The following HS6ST2 variants were observed in gnomAD, a reference collection of about 807,000 sequenced individuals.
The protein encoded by HS6ST2 is heparan sulfate 6-O-sulfotransferase 2, also known as heparan-sulfate 6-O-sulfotransferase 2.
A neutral mutation model predicts 33.0 loss-of-function variants in HS6ST2; 17 were observed. That is an observed-to-expected ratio of 0.52 (90% confidence interval 0.35 to 0.77). The LOEUF (loss-of-function observed/expected upper bound fraction) is 0.77. HS6ST2 is among the 30% of genes least tolerant of loss of function. The pLI is 0.01. For synonymous variants in HS6ST2, 248 were observed against 237.1 expected, an observed-to-expected ratio of 1.05 and a Z score of -0.42; for missense variants, 519 against 551.7, an observed-to-expected ratio of 0.94 and a Z score of 0.59.
At chrX:132,773,763 G>A (rs2064929590) in intron 2 of HS6ST2, among the ~76,000 whole-genome samples, 1 of 111,794 alleles carries the variant, frequency 8.9e-6, no homozygotes, top group African/African-American at 3.2e-5. Context: ...TACATGAAAT[G>A]TTCAATATAG....
At chrX:132,748,734 C>T (rs1256285460) in intron 2 of HS6ST2, among the ~76,000 whole-genome samples, 1 of 111,514 alleles carries the variant, frequency 9.0e-6, no homozygotes, top group African/African-American at 3.3e-5. Flanking sequence ...GCCCAAGAAT[C>T]TAGGACCACA....
rs750321681 is a variant in HS6ST2, at chrX:132,919,365, A to C, written c.947+37443T>G. Among the ~76,000 whole-genome samples the C allele has an allele frequency of 1.7e-3, 190 of 112,155 alleles. 2 individuals are homozygous for C. Among genetic ancestry groups the C allele is most frequent in the African/African-American group, 5.8e-3 (180 of 30,916 alleles). On this transcript the variant is annotated intron_variant, in intron 2 of 4. Coordinates refer to ENST00000370833, the MANE Select transcript of HS6ST2 (RefSeq NM_001394073.1). ...TCTGAATGGGTCAATTTCCATGATA[A>C]AATTTTTCCATTTTAGGACTTCTCT...
At chrX:132,679,711 A>C (rs972611430) in intron 3 of HS6ST2, among the ~76,000 whole-genome samples, 1 of 108,274 alleles carries the variant, frequency 9.2e-6, no homozygotes, top group Non-Finnish European at 1.9e-5. Context: ...ACTGGGGTCT[A>C]TTTCACCCCT....
chrX:132,935,316 A>C (rs1483146551), intron 2 of HS6ST2, among the ~76,000 whole-genome samples: 1 of 43 alleles, frequency 0.023, no homozygotes, highest in Non-Finnish European at 0.048. Flanking sequence ...TCAGATGCAC[A>C]CAGACATTCT....
intron 4 of HS6ST2, among the ~76,000 whole-genome samples, chrX:132,631,063 C>A (rs2063513659): frequency 9.0e-6 from 1 of 111,604 alleles, no homozygotes; most frequent in Admixed American, 9.5e-5. Flanking sequence ...ATATAGCCCT[C>A]ATCCCATCCA....
chrX:132,757,547 C>T (rs1364250740), intron 2 of HS6ST2, among the ~76,000 whole-genome samples: 1 of 110,620 alleles, frequency 9.0e-6, no homozygotes, highest in Non-Finnish European at 1.9e-5. Flanking sequence ...GTGGGGACAT[C>T]CTGAAGAGCA....
chrX:132,833,823 G>C (rs2065615623), intron 2 of HS6ST2, among the ~76,000 whole-genome samples: 1 of 108,650 alleles, frequency 9.2e-6, no homozygotes, highest in African/African-American at 3.4e-5. Context: ...CAATGTGCAG[G>C]TTAGTTACAT....
At chrX:132,771,024 T>C in intron 2 of HS6ST2, among the ~76,000 whole-genome samples, 1 of 111,797 alleles carries the variant, frequency 8.9e-6, no homozygotes, top group Middle Eastern at 4.2e-3. Context: ...TAAATGGTCA[T>C]AATACGATGT....
intron 2 of HS6ST2, among the ~76,000 whole-genome samples, chrX:132,897,290 C>A (rs773528978): frequency 3.0e-4 from 33 of 110,008 alleles, no homozygotes; most frequent in Non-Finnish European, 5.1e-4. Context: ...GCAAGGGATG[C>A]AAAGAATCGT....
At chrX:132,786,366 A>C (rs2065060567) in intron 2 of HS6ST2, among the ~76,000 whole-genome samples, 1 of 111,126 alleles carries the variant, frequency 9.0e-6, no homozygotes, top group Non-Finnish European at 1.9e-5. Context: ...GATGTGGCAT[A>C]ATTGGGGAAT....
chrX:132,632,243 T>C (rs1482260688), intron 4 of HS6ST2, among the ~76,000 whole-genome samples: 2 of 110,920 alleles, frequency 1.8e-5, no homozygotes, highest in Admixed American at 9.7e-5. Flanking sequence ...CAAATAGCCT[T>C]GGGGACCCAG....
At position 132,628,594 on chromosome X, in the gene HS6ST2, G is replaced by A; in HGVS notation, c.1567C>T (p.Leu523=). 8.3e-7 allele frequency: 1 copy of A among 1,211,545 alleles called. No individual in the cohort carries two copies. ...IQKRIEGLNF[L]DMELYSYAKD... is the part of the protein sequence containing the mutation. ...GCATAGCTGTACAACTCCATATCCA[G>A]AAAATTCAGTCCCTCAATACGCTTT... Residue 523 remains leucine, a synonymous_variant, in exon 5 of 5, where the codon CTG becomes TTG. Transcript: ENST00000370833.
At position 132,844,884 on chromosome X, in the gene HS6ST2, C is replaced by A. The variant is rs1007956475; in HGVS notation, c.947+111924G>T. Among the ~76,000 whole-genome samples the A allele has an allele frequency of 2.7e-5, 3 of 110,077 alleles. 1 individual carries two copies. Among genetic ancestry groups the A allele is most frequent in the Admixed American group, 9.7e-5 (1 of 10,259 alleles). On this transcript the variant is annotated intron_variant, in intron 2 of 4. Transcript: ENST00000370833. The stretch of plus-strand genomic sequence containing the variant: ...CATTCAATCAGCATTTCAGAGGCAT[C>A]TACTATGCTGAGCACCATACGTCGT...
At chrX:132,889,059 C>G (rs1298086792) in intron 2 of HS6ST2, among the ~76,000 whole-genome samples, 1 of 110,352 alleles carries the variant, frequency 9.1e-6, no homozygotes, top group African/African-American at 3.3e-5. Context: ...AGTAGCAGAC[C>G]CAGGATTTCA....
chrX:132,834,441 T>A (rs1029272427), intron 2 of HS6ST2, among the ~76,000 whole-genome samples: 5 of 111,476 alleles, frequency 4.5e-5, no homozygotes, highest in Non-Finnish European at 9.4e-5. Context: ...TAAAGAAAAA[T>A]GCCTCTGCTT....
chrX:132,637,918 T>A (rs1346621809), intron 4 of HS6ST2, among the ~76,000 whole-genome samples: 9 of 51,110 alleles, frequency 1.8e-4, no homozygotes, highest in Non-Finnish European at 2.5e-4. Context: ...ATATAATATT[T>A]TATATATATA....
At chrX:132,943,978 T>C (rs1336399873) in intron 2 of HS6ST2, among the ~76,000 whole-genome samples, 7 of 111,307 alleles carry the variant, frequency 6.3e-5, no homozygotes, top group Non-Finnish European at 1.3e-4. Context: ...TCACCACTCC[T>C]ATTCAACATA....
At chrX:132,959,740 T>C (rs2067129114), upstream of HS6ST2, among the ~76,000 whole-genome samples, 1 of 112,404 alleles carries the variant, frequency 8.9e-6, no homozygotes, top group African/African-American at 3.2e-5. Flanking sequence ...GTCTGTAAGA[T>C]AGGACCAATT....
chrX:132,957,370 C>T (rs1195522112), intron 1 of HS6ST2, 44 bp from the exon 2 acceptor site: 3 of 1,123,722 alleles, frequency 2.7e-6, no homozygotes, highest in South Asian at 4.5e-5. Context: ...GCAGCTCAGC[C>T]CGCGCTCGTC....
Sources: gnomAD v4.1 joint callset for allele counts (sites outside exome capture counted in the v4.1 genomes callset) on GRCh38, gnomAD v4.1.1 for gene constraint, MANE v1.5 for transcripts, NCBI Gene and HGNC (gene_info 2026-07-23, HGNC 2026-07-21) for gene names.